ALPG: variants seen among roughly 807,000 people sequenced by gnomAD.
The protein encoded by ALPG is alkaline phosphatase, germ cell type.
In ALPG, 32 loss-of-function variants were observed where a neutral mutation model predicts 48.6. The ratio of observed to expected loss-of-function variants is 0.66; its 90% CI spans 0.50 to 0.88. The LOEUF is 0.88. ALPG is among the 40% of genes least tolerant of loss of function. The probability of loss-of-function intolerance (pLI) is 0.00; values close to 1 mark genes in which losing one functional copy is unlikely to be tolerated. For synonymous variants in ALPG, 244 were observed against 308.9 expected (o/e 0.79, Z 2.20); for missense variants, 533 against 718.1 (o/e 0.74, Z 2.95).
intron 5 of ALPG, 109 bp from the exon 6 acceptor site, chr2:232,408,158 G>T: frequency 6.3e-7 from 1 of 1,577,140 alleles, no homozygotes; most frequent in South Asian, 1.2e-5. Context: ...CGCAGCCCAG[G>T]CTGGGCCATT....
chr2:232,409,219 T>C (rs1697144355), intron 9 of ALPG, 107 bp downstream of exon 9: 3 of 1,593,370 alleles, frequency 1.9e-6, no homozygotes, highest in South Asian at 1.1e-5. Flanking sequence ...ACCAGCCCTG[T>C]AGGGTCTCCT....
chr2:232,408,507 C>T lies in ALPG; in HGVS notation c.790C>T (p.Arg264Trp), dbSNP rs148621165. The T allele has an allele frequency of 1.1e-5, 18 of 1,595,058 alleles. 1 individual carries two copies. The African/African-American group carries it at 1.2e-4, about 11-fold the overall frequency. The change falls in exon 7 of 11, where the codon CGG (arginine) becomes TGG (tryptophan). Residue 264 changes from arginine (R) to tryptophan (W), a missense_variant. Physicochemically the swap from Arg to Trp is moderately radical, Grantham distance 101. Coordinates refer to ENST00000295453, the MANE Select transcript of ALPG (RefSeq NM_031313.3). The part of the protein sequence containing the change: ...QEWLAKHQGA[R>W]YVWNRTELLQ... ...GCTCTCTCCCTCCCCGCAGGGTGCCCGGTACGTGTGGAACCGCACTGAGCT... is the reference window on the plus strand; with the variant it reads ...GCTCTCTCCCTCCCCGCAGGGTGCCTGGTACGTGTGGAACCGCACTGAGCT...
Position 232,407,160 on chromosome 2 carries a change from C to A in ALPG, c.171C>A (p.Ile57=). Residue 57 remains isoleucine, a synonymous_variant, in exon 2 of 11, where the codon ATC becomes ATA. Coordinates refer to ENST00000295453, the MANE Select transcript of ALPG (RefSeq NM_031313.3). ...AGACAGCCGCCAAGAACCTCATCATCTTCCTGGGTGACGGTGAGTGAGCCA... is the reference window on the plus strand; with the variant it reads ...AGACAGCCGCCAAGAACCTCATCATATTCCTGGGTGACGGTGAGTGAGCCA... ...PAQTAAKNLI[I]FLGDGMGVST... is the part of the protein sequence containing the mutation. The A allele has an allele frequency of 6.2e-7, 1 of 1,613,996 alleles. No individual in the cohort carries two copies. The highest frequency in any genetic ancestry group is 8.5e-7 in the Non-Finnish European group (1 of 1,180,014).
chr2:232,406,991 C>T, intron 1 of ALPG, 30 bp downstream of exon 1: 1 of 1,044,170 alleles, frequency 9.6e-7, no homozygotes, highest in Non-Finnish European at 1.4e-6. Context: ...TGCCCCTACA[C>T]ACACACACAC....
rs749719597 is a variant in ALPG at position 232,407,922 on chromosome 2, C to G, written c.553C>G (p.Arg185Gly). 1 of 1,613,478 alleles carries G rather than the reference C, an allele frequency of 6.2e-7. No individual in the cohort carries two copies. Among genetic ancestry groups the G allele is most frequent in the South Asian group, 1.1e-5 (1 of 90,988 alleles). The stretch of plus-strand genomic sequence containing the variant: ...CGGCGCCTACGCCCACACGGTGAAC[C>G]GCAACTGGTACTCGGATGCCGACGT... Reference protein sequence around the residue: ...PAGAYAHTVNRNWYSDADVPA... With the variant: ...PAGAYAHTVNGNWYSDADVPA... Residue 185 changes from arginine to glycine, a missense_variant, in exon 5 of 11, where the codon CGC becomes GGC. Arg to Gly is a moderately radical substitution (Grantham distance 125). This residue lies in a region of ALPG where 315 missense variants were observed against 305.8 expected (regional missense o/e 1.03). Transcript: ENST00000295453.
Position 232,407,679 on chromosome 2 carries a change from T to C in ALPG, c.386T>C (p.Ile129Thr). 1.2e-6 allele frequency: 2 copies of C among 1,613,872 alleles called. No individual in the cohort carries two copies. Among genetic ancestry groups the C allele is most frequent in the Non-Finnish European group, 1.7e-6 (2 of 1,180,010 alleles). The change falls in exon 4 of 11, where the codon ATT (isoleucine) becomes ACT (threonine). Residue 129 changes from isoleucine to threonine, a missense_variant. This residue lies in a region of ALPG where 315 missense variants were observed against 305.8 expected (regional missense o/e 1.03). Coordinates refer to ENST00000295453, the MANE Select transcript of ALPG (RefSeq NM_031313.3). ...LCGVKGNFQTIGLSAAARFNQ... is the reference protein window; with the variant it reads ...LCGVKGNFQTTGLSAAARFNQ... ...GGGGTCAAGGGCAACTTCCAGACCA[T>C]TGGCTTGAGTGCAGCCGCCCGCTTT...
chr2:232,410,022 C>A lies in ALPG; in HGVS notation c.*150C>A. 1 of 1,244,108 alleles carries A rather than the reference C, an allele frequency of 8.0e-7. No individual in the cohort carries two copies. The highest frequency in any genetic ancestry group is 1.1e-6 in the Non-Finnish European group (1 of 926,054). The allele number at this position is 1,244,108 out of a possible 1,614,324, so 77.1% of individuals were successfully genotyped here. A position where few individuals can be genotyped will look rare whatever the true frequency, so the allele number is the denominator to read the frequency against. ...TGGAACCTTCCCCTCCCGGTGCACC[C>A]TGGGGACCGAGCCCTTGACACCACG... On this transcript the variant is annotated 3_prime_UTR_variant, in exon 11 of 11. Transcript: ENST00000295453.
At chr2:232,407,818 G>T (rs6728119) in intron 4 of ALPG, 27 bp from the exon 5 acceptor site, 269,046 of 1,613,540 alleles carry the variant, frequency 0.17, 24,555 homozygotes, top group Non-Finnish European at 0.18. Context: ...GACCTCTATC[G>T]CATATCCTGA....
In ALPG at chr2:232,407,618, C is replaced by T. The variant is rs534929178; in HGVS notation, c.325C>T (p.Pro109Ser). 67 of 1,613,760 alleles carry T rather than the reference C, an allele frequency of 4.2e-5. No individual in the cohort carries two copies. The highest frequency in any genetic ancestry group is 5.4e-5 in the Non-Finnish European group (64 of 1,180,022). ...GACATACAGTGTAGACAAGCATGTG[C>T]CAGACAGTGGAGCCACAGCCACGGC... The part of the protein sequence containing the change: ...SKTYSVDKHV[P>S]DSGATATAYL... The change falls in exon 4 of 11, where the codon CCA becomes TCA. Residue 109 changes from proline to serine, a missense_variant. Physicochemically the swap from Pro to Ser is moderately conservative, Grantham distance 74 (BLOSUM62 -1). Transcript: ENST00000295453.
Position 232,406,920 on chromosome 2 carries a change from T to G in ALPG, c.26T>G (p.Leu9Arg). MQGPWVLL[L>R]LGLRLQLSLG... ...ATGCAGGGGCCCTGGGTGCTGCTCC[T>G]GCTGGGCCTGAGGCTACAGCTCTCC... Residue 9 changes from leucine (L) to arginine (R), a missense_variant, in exon 1 of 11, where the codon CTG (leucine) becomes CGG (arginine). Coordinates refer to ENST00000295453, the MANE Select transcript of ALPG (RefSeq NM_031313.3). The G allele has an allele frequency of 2.5e-6, 4 of 1,612,782 alleles. No homozygotes were observed. The highest frequency in any genetic ancestry group is 3.4e-6 in the Non-Finnish European group (4 of 1,179,858).
rs374652374 is a variant in ALPG, at chr2:232,407,875, G to A, written c.506G>A (p.Arg169Gln). 5 of 1,613,390 alleles carry A rather than the reference G, an allele frequency of 3.1e-6. No individual in the cohort carries two copies. The highest frequency in any genetic ancestry group is 1.3e-5 in the African/African-American group (1 of 74,946). The change falls in exon 5 of 11, where the codon CGG (arginine) becomes CAG (glutamine). Residue 169 changes from arginine (R) to glutamine (Q), a missense_variant. Physicochemically the swap from Arg to Gln is conservative, Grantham distance 43. Transcript: ENST00000295453. ...TCAGTGGGAGTGGTAACCACCACAC[G>A]GGTGCAGCATGCCTCGCCAGCCGGC... ...GKSVGVVTTT[R>Q]VQHASPAGAY...
At position 232,407,614 on chromosome 2, in the gene ALPG, T is replaced by A; in HGVS notation, c.321T>A (p.His107Gln). 1 of 1,613,876 alleles carries A rather than the reference T, an allele frequency of 6.2e-7. No homozygotes were observed. Among genetic ancestry groups the A allele is most frequent in the Non-Finnish European group, 8.5e-7 (1 of 1,180,016 alleles). ...ALSKTYSVDK[H>Q]VPDSGATATA... ...CCCAGACATACAGTGTAGACAAGCA[T>A]GTGCCAGACAGTGGAGCCACAGCCA... The change falls in exon 4 of 11, where the codon CAT becomes CAA. Residue 107 changes from histidine to glutamine, a missense_variant. Around this residue, in one of 6 missense-constraint regions of ALPG, gnomAD observed 315 missense variants for 305.8 expected, o/e 1.03. Transcript: ENST00000295453.
At position 232,406,867 on chromosome 2, in the gene ALPG, C is replaced by T. The variant is rs758423326; in HGVS notation, c.-28C>T. 3 of 1,599,250 alleles carry T rather than the reference C, an allele frequency of 1.9e-6. No homozygotes were observed. In the East Asian group the frequency reaches 6.7e-5, roughly 36 times the overall value. Reference sequence around the variant, plus strand: ...TCATACTCCATACCTGGGATTTCCGCCTCGCCGCTCTCCGACTGCTTCCAG... The same window carrying T: ...TCATACTCCATACCTGGGATTTCCGTCTCGCCGCTCTCCGACTGCTTCCAG... On this transcript the variant is annotated 5_prime_UTR_variant, in exon 1 of 11. Transcript: ENST00000295453.
In ALPG at chr2:232,407,962, G is replaced by A. The variant is rs542023570; in HGVS notation, c.593G>A (p.Arg198His). The change falls in exon 5 of 11, where the codon CGC becomes CAC. Residue 198 changes from arginine to histidine, a missense_variant. This residue lies in a region of ALPG where 315 missense variants were observed against 305.8 expected (regional missense o/e 1.03). Coordinates refer to ENST00000295453, the MANE Select transcript of ALPG (RefSeq NM_031313.3). The stretch of plus-strand genomic sequence containing the variant: ...GATGCCGACGTGCCTGCCTCGGCCC[G>A]CCAGGAGGGGTGCCAGGACATCGCC... ...YSDADVPASA[R>H]QEGCQDIATQ... 3.2e-5 allele frequency: 52 copies of A among 1,613,146 alleles called. No individual in the cohort carries two copies. Among genetic ancestry groups the A allele is most frequent in the South Asian group, 1.3e-4 (12 of 90,920 alleles).
At chr2:232,409,258 G>A (rs1201756726) in intron 9 of ALPG, 74 bp from the exon 10 acceptor site, 4 of 1,581,674 alleles carry the variant, frequency 2.5e-6, no homozygotes, top group African/African-American at 2.7e-5. Context: ...CAGGCAAAAC[G>A]TGGCGGTGCC....
At position 232,407,969 on chromosome 2, in the gene ALPG, G is replaced by T. The variant is rs770347716; in HGVS notation, c.600G>T (p.Glu200Asp). ...DADVPASARQ[E>D]GCQDIATQLI... is the part of the protein sequence containing the mutation. The stretch of plus-strand genomic sequence containing the variant: ...ACGTGCCTGCCTCGGCCCGCCAGGA[G>T]GGGTGCCAGGACATCGCCACGCAGC... Residue 200 changes from glutamate to aspartate, a missense_variant, in exon 5 of 11, where the codon GAG becomes GAT. Physicochemically the swap from Glu to Asp is conservative, Grantham distance 45 (BLOSUM62 2). Transcript: ENST00000295453. The T allele has an allele frequency of 3.1e-6, 5 of 1,613,116 alleles. No individual in the cohort carries two copies. The highest frequency in any genetic ancestry group is 1.7e-5 in the Admixed American group (1 of 60,008).
At position 232,407,286 on chromosome 2, in the gene ALPG, G is replaced by T. The variant is rs778092620; in HGVS notation, c.185G>T (p.Gly62Val). Residue 62 changes from glycine to valine, a missense_variant and splice_region_variant, in exon 3 of 11, where the codon GGG becomes GTG. Coordinates refer to ENST00000295453, the MANE Select transcript of ALPG (RefSeq NM_031313.3). Reference sequence around the variant, plus strand: ...GCCTCACACACTTCTGCTCCTTCAGGGATGGGGGTGTCTACGGTGACAGCT... The same window carrying T: ...GCCTCACACACTTCTGCTCCTTCAGTGATGGGGGTGTCTACGGTGACAGCT... The part of the protein sequence containing the change: ...AKNLIIFLGD[G>V]MGVSTVTAAR... The T allele has an allele frequency of 1.2e-5, 19 of 1,613,886 alleles. No individual in the cohort carries two copies. The Admixed American group carries it at 3.0e-4, about 25-fold the overall frequency.
intron 3 of ALPG, 86 bp from the exon 4 acceptor site, chr2:232,407,508 C>A (rs115235444): frequency 1.9e-6 from 3 of 1,594,972 alleles, no homozygotes; most frequent in Non-Finnish European, 2.6e-6. Flanking sequence ...CAATAAGGAG[C>A]TGGAGGCAGT....
In ALPG at chr2:232,407,651, T is replaced by A. The variant is rs770753052; in HGVS notation, c.358T>A (p.Cys120Ser). Residue 120 changes from cysteine (C) to serine (S), a missense_variant, in exon 4 of 11, where the codon TGC (cysteine) becomes AGC (serine). By Grantham distance (112) the Cys-to-Ser change is moderately radical. Coordinates refer to ENST00000295453, the MANE Select transcript of ALPG (RefSeq NM_031313.3). ...TGGAGCCACAGCCACGGCCTACCTG[T>A]GCGGGGTCAAGGGCAACTTCCAGAC... The part of the protein sequence containing the change: ...DSGATATAYL[C>S]GVKGNFQTIG... 2.6e-5 allele frequency: 42 copies of A among 1,613,896 alleles called. 1 individual carries two copies. The East Asian group carries it at 4.0e-4, about 15-fold the overall frequency.
Sources: allele counts gnomAD v4.1 joint callset, GRCh38; gene constraint gnomAD v4.1.1; regional missense constraint gnomAD v4.1.1; transcripts MANE v1.5; gene names NCBI Gene and HGNC (gene_info 2026-07-23, HGNC 2026-07-21).